CSF2RA: variants seen among roughly 807,000 people sequenced by gnomAD.
The protein encoded by CSF2RA is granulocyte-macrophage colony-stimulating factor receptor subunit alpha.
In CSF2RA, 42 loss-of-function variants were observed where a neutral mutation model predicts 51.6. The observed-to-expected ratio is 0.81, with a 90% CI of 0.64 to 1.05. CSF2RA has a LOEUF of 1.05. Among genes scored for constraint, CSF2RA ranks in the 50% least tolerant of loss-of-function variants. CSF2RA has a pLI of 0.00. For synonymous variants in CSF2RA, 222 were observed against 193.0 expected (o/e 1.15, Z -1.24); for missense variants, 530 against 501.1 (o/e 1.06, Z -0.55).
intron 2 of CSF2RA, among the ~76,000 whole-genome samples, chrX:1,279,067 G>T (rs1172380965): frequency 6.7e-6 from 1 of 148,490 alleles, no homozygotes; most frequent in African/African-American, 2.5e-5. Context: ...CAACCAAGAA[G>T]GCCGTACGTA....
At chrX:1,285,315 G>T (rs1437846803) in intron 3 of CSF2RA, among the ~76,000 whole-genome samples, 1 of 142,364 alleles carries the variant, frequency 7.0e-6, no homozygotes, top group African/African-American at 2.5e-5. Flanking sequence ...GAGGATGTGG[G>T]ACGTCCTGGG....
At chrX:1,314,565 C>T (rs868440331), downstream of CSF2RA, among the ~76,000 whole-genome samples, 146 of 74,452 alleles carry the variant, frequency 2.0e-3, 6 homozygotes, top group Non-Finnish European at 2.9e-3. Context: ...CCTGCCCAAT[C>T]CCACTGCACC....
At chrX:1,290,229 T>C (rs2091272824) in intron 6 of CSF2RA, 108 bp from the exon 7 acceptor site, 3 of 900,942 alleles carry the variant, frequency 3.3e-6, no homozygotes, top group Non-Finnish European at 5.3e-6. Flanking sequence ...TGTGTTTTTG[T>C]GTTTTGTGTT....
At chrX:1,273,904 G>T (rs1380540690) in intron 1 of CSF2RA, among the ~76,000 whole-genome samples, 1 of 151,800 alleles carries the variant, frequency 6.6e-6, no homozygotes, top group African/African-American at 2.4e-5. Flanking sequence ...GGCATGAAAG[G>T]GTTTTTCATT....
the CSF2RA span, among the ~76,000 whole-genome samples, chrX:1,323,646 G>T: frequency 6.6e-5 from 10 of 152,206 alleles, no homozygotes; most frequent in South Asian, 2.1e-3. Flanking sequence ...CACTTTGGGA[G>T]GCTGAGGCAG....
chrX:1,313,865 A>C (rs2084290916), downstream of CSF2RA, among the ~76,000 whole-genome samples: 1 of 150,538 alleles, frequency 6.6e-6, no homozygotes, highest in East Asian at 2.0e-4. Context: ...TGGCACCTGT[A>C]ATTGCAGTTG....
intron 9 of CSF2RA, among the ~76,000 whole-genome samples, chrX:1,297,045 C>T (rs191406494): frequency 1.8e-3 from 115 of 63,408 alleles, no homozygotes; most frequent in African/African-American, 8.7e-3. Flanking sequence ...ACCCTACAGT[C>T]CCCTACTCAC....
At chrX:1,280,896 C>T (rs1183907683) in intron 2 of CSF2RA, among the ~76,000 whole-genome samples, 2 of 144,164 alleles carry the variant, frequency 1.4e-5, no homozygotes, top group African/African-American at 2.6e-5. Flanking sequence ...TCTCCTCCTC[C>T]TCCTCCTGCT....
chrX:1,311,684 G>A (rs1415390313), downstream of CSF2RA, among the ~76,000 whole-genome samples: 2 of 151,974 alleles, frequency 1.3e-5, no homozygotes, highest in African/African-American at 4.8e-5. Flanking sequence ...CTCGTGATCC[G>A]CCCCCCTTGG....
chrX:1,268,966 A>G, intron 1 of CSF2RA, 87 bp downstream of exon 1: 1 of 445,364 alleles, frequency 2.2e-6, no homozygotes, highest in Non-Finnish European at 4.5e-6. Context: ...ATAGAAAAGA[A>G]AGAGACTGAA....
rs2091287406 is a variant in CSF2RA at position 1,290,362 on chromosome X, T to A, written c.499T>A (p.Tyr167Asn). The change falls in exon 7 of 13, where the codon TAT becomes AAT. Residue 167 changes from tyrosine to asparagine, a missense_variant. Coordinates refer to ENST00000381529, the MANE Select transcript of CSF2RA (RefSeq NM_172245.4). The part of the protein sequence containing the change: ...SKRRREIRCP[Y>N]YIQDSGTHVG... ...GAGAAGGAGGGAGATCCGGTGTCCT[T>A]ATTACATACAAGACTCAGGAACCCA... 1 of 1,613,698 alleles carries A rather than the reference T, an allele frequency of 6.2e-7. No individual in the cohort carries two copies. Among genetic ancestry groups the A allele is most frequent in the Admixed American group, 1.7e-5 (1 of 59,968 alleles).
rs1569513938 is a variant in CSF2RA, at chrX:1,309,929, G to T, written c.*450G>T. Reference sequence around the variant, plus strand: ...ATAAATAATAAAAACCTGATATTTGGCTGGGCGCCGTGGCTCATGCCTGTA... The same window carrying T: ...ATAAATAATAAAAACCTGATATTTGTCTGGGCGCCGTGGCTCATGCCTGTA... On this transcript the variant is annotated 3_prime_UTR_variant, in exon 13 of 13. Transcript: ENST00000381529. The T allele has an allele frequency of 7.1e-6, 4 of 566,978 alleles. No individual in the cohort carries two copies. In the East Asian group the frequency reaches 1.1e-4, roughly 16 times the overall value. The allele number at this position is 566,978 out of a possible 1,614,324, so 35.1% of individuals were successfully genotyped here.
At chrX:1,305,868 G>A (rs775303209) in intron 12 of CSF2RA, 2 of 1,383,468 alleles carry the variant, frequency 1.4e-6, no homozygotes, top group East Asian at 5.0e-5. Flanking sequence ...ATCATCTGAG[G>A]TCAGAGGTTC....
intron 2 of CSF2RA, among the ~76,000 whole-genome samples, chrX:1,280,853 T>TCTCCTCCTC (rs375893469): frequency 1.3e-5 from 1 of 76,704 alleles, no homozygotes; most frequent in African/African-American, 4.0e-5. Context: ...TTCCTCTCCT[T>TCTCCTCCTC]CTCCTCCTCC....
intron 1 of CSF2RA, among the ~76,000 whole-genome samples, chrX:1,271,332 A>ATTTTTTTTT (rs752978804): frequency 1.4e-4 from 2 of 14,452 alleles, no homozygotes; most frequent in African/African-American, 3.3e-4. Flanking sequence ...TAATTTTTGT[A>ATTTTTTTTT]TTTTTTTTTT....
At chrX:1,269,993 C>T (rs1406558278) in intron 1 of CSF2RA, among the ~76,000 whole-genome samples, 9 of 151,704 alleles carry the variant, frequency 5.9e-5, no homozygotes, top group African/African-American at 1.5e-4. Context: ...CCTGTAATCC[C>T]AGCTACTTGG....
intron 7 of CSF2RA, among the ~76,000 whole-genome samples, chrX:1,290,771 G>A (rs1191758941): frequency 6.6e-6 from 1 of 152,026 alleles, no homozygotes; most frequent in Admixed American, 6.6e-5. Context: ...AGGCTGAGGA[G>A]AATCACTCAA....
In CSF2RA at chrX:1,288,911, G is replaced by A. The variant is rs771308707; in HGVS notation, c.473+23G>A. On this transcript the variant is annotated intron_variant, in intron 6 of 12. Transcript: ENST00000381529. ...AAAGTAAGTGTTCACCTCATGTGAA[G>A]AATTATGAGGAATGCAGGGATGGGA... The A allele has an allele frequency of 4.3e-6, 7 of 1,613,452 alleles. No individual in the cohort carries two copies. In the East Asian group the frequency reaches 1.1e-4, roughly 26 times the overall value.
At chrX:1,311,669 C>G (rs1374735100), downstream of CSF2RA, among the ~76,000 whole-genome samples, 1 of 152,134 alleles carries the variant, frequency 6.6e-6, no homozygotes, top group East Asian at 1.9e-4. Context: ...TGGTCTCCAT[C>G]TGACCTCGTG....
Sources: gnomAD v4.1 joint callset for allele counts (sites outside exome capture counted in the v4.1 genomes callset) on GRCh38, gnomAD v4.1.1 for gene constraint, MANE v1.5 for transcripts, NCBI Gene and HGNC (gene_info 2026-07-23, HGNC 2026-07-21) for gene names.